The following DENND5B variants were observed in gnomAD, a reference collection of about 807,000 sequenced individuals.
The protein encoded by DENND5B is DENN domain containing 5B, also known as DENN domain-containing protein 5B.
A neutral mutation model predicts 140.6 loss-of-function variants in DENND5B; 34 were observed. That is an observed-to-expected ratio of 0.24 (90% CI 0.18 to 0.32). The LOEUF is 0.32. Ranked by LOEUF, DENND5B falls within the 10% of genes least tolerant of loss-of-function variation. The pLI, the probability that DENND5B is intolerant of heterozygous loss-of-function variation, is 1.00. For missense variants in DENND5B, 1,142 were observed against 1,560.2 expected (o/e 0.73, Z 4.52); for synonymous variants, 551 against 562.1 (o/e 0.98, Z 0.28).
chr12:31,571,136 G>C (rs1250388997), intron 1 of DENND5B, among the ~76,000 whole-genome samples: 1 of 150,992 alleles, frequency 6.6e-6, no homozygotes, highest in East Asian at 1.9e-4. Flanking sequence ...TGCTGCTGCT[G>C]CTTCAAGACT....
At chr12:31,446,013 A>G (rs940015735) in intron 6 of DENND5B, among the ~76,000 whole-genome samples, 1 of 97,298 alleles carries the variant, frequency 1.0e-5, no homozygotes, top group African/African-American at 3.1e-5. Flanking sequence ...GTCTCAAAAG[A>G]AAAAAAAAAA....
intron 7 of DENND5B, among the ~76,000 whole-genome samples, chr12:31,439,865 G>A (rs1415087409): frequency 6.8e-6 from 1 of 146,138 alleles, no homozygotes; most frequent in Non-Finnish European, 1.5e-5. Flanking sequence ...GGGAGGTGGA[G>A]GTTGCGGTGA....
At chr12:31,421,511 A>G (rs932269971) in intron 11 of DENND5B, among the ~76,000 whole-genome samples, 4 of 152,042 alleles carry the variant, frequency 2.6e-5, no homozygotes, top group African/African-American at 9.7e-5. Flanking sequence ...GAGAGATTTC[A>G]ATTTAAACTG....
chr12:31,426,442 A>G lies in DENND5B; in HGVS notation c.2107-18T>C. ...ATATATTTCTAAAAAATCAAGGAGT[A>G]TTTTTAATGCGTAAACATTAGCTAT... On this transcript the variant is annotated intron_variant, in intron 8 of 20. Coordinates refer to ENST00000389082, the MANE Select transcript of DENND5B (RefSeq NM_144973.4). The G allele has an allele frequency of 1.2e-6, 2 of 1,603,402 alleles. No individual in the cohort carries two copies. The highest frequency in any genetic ancestry group is 8.5e-7 in the Non-Finnish European group (1 of 1,175,086).
intron 11 of DENND5B, among the ~76,000 whole-genome samples, chr12:31,418,413 G>T (rs546450474): frequency 2.0e-5 from 3 of 150,894 alleles, no homozygotes; most frequent in African/African-American, 7.3e-5. Flanking sequence ...TTGATAGCTG[G>T]GATTACAGGT....
At chr12:31,470,131 T>TTTTTTG (rs1565611596) in intron 3 of DENND5B, among the ~76,000 whole-genome samples, 1 of 148,454 alleles carries the variant, frequency 6.7e-6, no homozygotes. Context: ...TTTTTTTTCT[T>TTTTTTG]TGGAGATGGA....
At chr12:31,541,041 T>TAA (rs34225458) in intron 1 of DENND5B, 4,059 of 372,616 alleles carry the variant, frequency 0.011, no homozygotes, top group Admixed American at 0.017. Flanking sequence ...TCTTACCATA[T>TAA]AAAAAAAAAA....
chr12:31,475,561 A>G (rs1945764929), intron 3 of DENND5B, among the ~76,000 whole-genome samples: 1 of 152,088 alleles, frequency 6.6e-6, no homozygotes, highest in East Asian at 1.9e-4. Flanking sequence ...CAGCCTGGGC[A>G]GTGTAGTGAG....
intron 1 of DENND5B, among the ~76,000 whole-genome samples, chr12:31,507,194 T>TA (rs1947237013): frequency 6.6e-6 from 1 of 152,046 alleles, no homozygotes; most frequent in Non-Finnish European, 1.5e-5. Context: ...TTTTTTTTTT[T>TA]AGAGACAGGC....
intron 5 of DENND5B, among the ~76,000 whole-genome samples, chr12:31,450,625 G>A (rs1391369378): frequency 2.0e-5 from 3 of 152,034 alleles, no homozygotes; most frequent in Admixed American, 6.6e-5. Context: ...CTAGTGTTGG[G>A]ATTACAAGTG....
chr12:31,529,596 G>C (rs371874655), intron 1 of DENND5B, among the ~76,000 whole-genome samples: 6 of 152,014 alleles, frequency 3.9e-5, no homozygotes, highest in Admixed American at 2.0e-4. Flanking sequence ...AGACCAAGGT[G>C]GGGGGATCGC....
chr12:31,392,481 T>C, intron 18 of DENND5B, 88 bp from the exon 19 acceptor site: 1 of 1,571,392 alleles, frequency 6.4e-7, no homozygotes, highest in South Asian at 1.2e-5. Flanking sequence ...TGAAGGTAGC[T>C]ATATGAAGCA....
chr12:31,521,498 G>A (rs550543621), intron 1 of DENND5B, among the ~76,000 whole-genome samples: 1 of 152,080 alleles, frequency 6.6e-6, no homozygotes, highest in Non-Finnish European at 1.5e-5. Context: ...ACAGGGTTAA[G>A]TAAAATTATA....
chr12:31,514,905 G>C (rs2138950062), intron 1 of DENND5B, among the ~76,000 whole-genome samples: 1 of 152,074 alleles, frequency 6.6e-6, no homozygotes, highest in African/African-American at 2.4e-5. Flanking sequence ...GCTGAAGCAG[G>C]AGAATCACTT....
intron 1 of DENND5B, among the ~76,000 whole-genome samples, chr12:31,529,900 A>G (rs1188479625): frequency 6.6e-6 from 1 of 152,214 alleles, no homozygotes; most frequent in Non-Finnish European, 1.5e-5. Context: ...AAATGCACTT[A>G]GCACAACTGC....
intron 3 of DENND5B, among the ~76,000 whole-genome samples, chr12:31,468,685 C>G (rs1012101194): frequency 3.3e-5 from 5 of 152,174 alleles, no homozygotes; most frequent in Admixed American, 1.3e-4. Flanking sequence ...GTGGCACACA[C>G]CTGTAGCTCC....
chr12:31,442,674 A>T, intron 7 of DENND5B, 101 bp downstream of exon 7: 1 of 1,239,724 alleles, frequency 8.1e-7, no homozygotes, highest in African/African-American at 1.5e-5. Context: ...AAAAGTAATC[A>T]GATAGATGTT....
intron 6 of DENND5B, among the ~76,000 whole-genome samples, chr12:31,446,135 C>T (rs573940060): frequency 6.6e-6 from 1 of 152,176 alleles, no homozygotes; most frequent in East Asian, 1.9e-4. Context: ...CTGGCTAAGA[C>T]TCAGATTTAA....
intron 1 of DENND5B, among the ~76,000 whole-genome samples, chr12:31,573,398 C>G (rs1949890763): frequency 6.6e-6 from 1 of 152,172 alleles, no homozygotes; most frequent in Admixed American, 6.6e-5. Flanking sequence ...TGTCACCTGA[C>G]CTATTCAATA....
Sources: gnomAD v4.1 joint callset for allele counts (sites outside exome capture counted in the v4.1 genomes callset) on GRCh38, gnomAD v4.1.1 for gene constraint, MANE v1.5 for transcripts, NCBI Gene and HGNC (gene_info 2026-07-23, HGNC 2026-07-21) for gene names.